Variants in SMYD4 observed in about 807,000 individuals in gnomAD.
SMYD4 encodes SET and MYND domain containing 4.
Under a neutral mutation model 72.8 loss-of-function variants are expected in SMYD4, and 68 were observed. That is an observed-to-expected ratio of 0.93 (90% CI 0.77 to 1.14). The LOEUF (loss-of-function observed/expected upper bound fraction) is 1.14, where lower values mean the gene tolerates loss of function less well. SMYD4 is among the 50% of genes most tolerant of loss of function. The pLI is 0.00. For synonymous variants in SMYD4, 407 were observed against 388.6 expected, an observed-to-expected ratio of 1.05 and a Z score of -0.56; for missense variants, 984 against 1,003.7, an observed-to-expected ratio of 0.98 and a Z score of 0.27.
intron 5 of SMYD4, among the ~76,000 whole-genome samples, chr17:1,788,494 C>T (rs1908825448): frequency 2.6e-5 from 4 of 151,722 alleles, no homozygotes; most frequent in Admixed American, 2.6e-4. Context: ...GCCTGTAATC[C>T]CAGTACTTTG....
chr17:1,796,498 G>T (rs370409730), intron 5 of SMYD4, among the ~76,000 whole-genome samples: 3 of 150,790 alleles, frequency 2.0e-5, no homozygotes, highest in Non-Finnish European at 4.4e-5. Context: ...GTGCAGTGGC[G>T]TGATCTCGGC....
intron 3 of SMYD4, among the ~76,000 whole-genome samples, chr17:1,807,992 G>A (rs922516833): frequency 5.3e-5 from 8 of 152,114 alleles, no homozygotes; most frequent in African/African-American, 1.9e-4. Context: ...ATCACAACCA[G>A]TACTGCTTGG....
chr17:1,811,045 G>T (rs1910305143), intron 3 of SMYD4, among the ~76,000 whole-genome samples: 1 of 152,224 alleles, frequency 6.6e-6, no homozygotes, highest in South Asian at 2.1e-4. Flanking sequence ...GAAGCCCTCT[G>T]TCCTTGCGAC....
intron 8 of SMYD4, chr17:1,783,892 G>C: frequency 3.4e-6 from 1 of 290,292 alleles, no homozygotes; most frequent in East Asian, 8.3e-5. Flanking sequence ...TCAGACAAAA[G>C]CAAGACACTC....
Position 1,799,995 on chromosome 17 carries a change from T to C in SMYD4, c.1399A>G (p.Ile467Val), listed in dbSNP as rs1266463491. 1.1e-5 allele frequency: 17 copies of C among 1,614,116 alleles called. No homozygotes were observed. Among genetic ancestry groups the C allele is most frequent in the Non-Finnish European group, 1.3e-5 (15 of 1,180,026 alleles). Residue 467 changes from isoleucine to valine, a missense_variant, in exon 5 of 11, where the codon ATT becomes GTT. Physicochemically the swap from Ile to Val is conservative, Grantham distance 29 (BLOSUM62 3). Transcript: ENST00000305513. ...GCTTTAAGCTGAGAGGAGTTCACAA[T>C]CCTCTCAGTTGGGATGGCCTGTAAA... The part of the protein sequence containing the change: ...ASLQAIPTER[I>V]VNSSQLKAAV...
intron 3 of SMYD4, among the ~76,000 whole-genome samples, chr17:1,809,702 C>T (rs549847670): frequency 1.3e-5 from 2 of 149,314 alleles, no homozygotes; most frequent in South Asian, 4.3e-4. Flanking sequence ...GACAGTCTCG[C>T]TCTGTCGCCC....
chr17:1,816,777 ATC>A (rs1910621702), intron 2 of SMYD4, among the ~76,000 whole-genome samples: 1 of 151,632 alleles, frequency 6.6e-6, no homozygotes, highest in East Asian at 2.0e-4. Flanking sequence ...GTGTGAAGTG[ATC>A]TCTCACTGTG....
At chr17:1,816,774 G>C (rs1411976596) in intron 2 of SMYD4, among the ~76,000 whole-genome samples, 1 of 151,862 alleles carries the variant, frequency 6.6e-6, no homozygotes, top group African/African-American at 2.4e-5. Flanking sequence ...GGTGTGTGAA[G>C]TGATCTCTCA....
intron 5 of SMYD4, among the ~76,000 whole-genome samples, chr17:1,788,158 G>A (rs1249135906): frequency 1.3e-5 from 2 of 151,912 alleles, no homozygotes; most frequent in Non-Finnish European, 2.9e-5. Flanking sequence ...GGCCAGCCTG[G>A]ACAACACAGC....
intron 3 of SMYD4, among the ~76,000 whole-genome samples, chr17:1,809,732 C>G (rs913978426): frequency 1.8e-4 from 27 of 150,516 alleles, no homozygotes; most frequent in African/African-American, 6.6e-4. Context: ...TGCAGTGGCG[C>G]GATCTCGGCT....
In SMYD4 at chr17:1,824,605, ATTATTTTATTTATAT is replaced by A. The variant is rs1202782649; in HGVS notation, c.134+3241_134+3255del. On this transcript the variant is annotated intron_variant, in intron 2 of 10. Transcript: ENST00000305513. ...AGTGAGTGAGTTCTCACGAAATCTGATTATTTTATTTATATTTATATTTTTATTTTTTGAGATGGA... is the reference window on the plus strand; with the variant it reads ...AGTGAGTGAGTTCTCACGAAATCTGATTATATTTTTATTTTTTGAGATGGA... 2.6e-3 allele frequency among the ~76,000 whole-genome samples: 392 copies of A among 151,778 alleles called. 10 individuals carry two copies. Among genetic ancestry groups the A allele is most frequent in the Admixed American group, 0.023 (347 of 15,194 alleles).
intron 5 of SMYD4, among the ~76,000 whole-genome samples, chr17:1,793,053 GACCACAAGCGCGC>G (rs1421189742): frequency 1.3e-5 from 2 of 152,086 alleles, no homozygotes; most frequent in Non-Finnish European, 2.9e-5. Context: ...GGGTAGCTGA[GACCACAAGCGCGC>G]ACCACCACAC....
Position 1,779,767 on chromosome 17 carries a change from TA to T in SMYD4, c.*1518del, listed in dbSNP as rs1213949534. ...AAGGAGTCGAGGAAGCTAGATACTG[TA>T]AGTGGAACGGTGTGTCTCTGGAGGT... is the stretch of plus-strand genomic sequence containing the variant. On this transcript the variant is annotated 3_prime_UTR_variant, in exon 11 of 11. Coordinates refer to ENST00000305513, the MANE Select transcript of SMYD4 (RefSeq NM_052928.3). 1 of 152,576 alleles carries T rather than the reference TA, an allele frequency of 6.6e-6. No individual in the cohort carries two copies. Among genetic ancestry groups the T allele is most frequent in the African/African-American group, 2.4e-5 (1 of 41,454 alleles). The allele number at this position is 152,576 out of a possible 1,614,324, so 9.5% of individuals were successfully genotyped here. A position where few individuals can be genotyped will look rare whatever the true frequency, so the allele number is the denominator to read the frequency against.
intron 3 of SMYD4, among the ~76,000 whole-genome samples, chr17:1,805,426 C>CT (rs1009723694): frequency 5.3e-5 from 8 of 152,098 alleles, no homozygotes; most frequent in African/African-American, 1.9e-4. Flanking sequence ...AAAAAGAATA[C>CT]TTTTTTCTAC....
At chr17:1,794,105 A>ATATATATATATATATAT (rs1291818005) in intron 5 of SMYD4, among the ~76,000 whole-genome samples, 1 of 12,992 alleles carries the variant, frequency 7.7e-5, no homozygotes, top group Non-Finnish European at 1.4e-4. Context: ...ATATATATAT[A>ATATATATATATATATAT]TTTTTTTTTT....
chr17:1,824,804 T>C (rs1236281813), intron 2 of SMYD4, among the ~76,000 whole-genome samples: 1 of 151,940 alleles, frequency 6.6e-6, no homozygotes, highest in East Asian at 1.9e-4. Flanking sequence ...TTTGCATTTT[T>C]AGTAGAGATG....
intron 4 of SMYD4, among the ~76,000 whole-genome samples, chr17:1,803,108 C>G (rs1184350559): frequency 6.6e-6 from 1 of 152,236 alleles, no homozygotes; most frequent in South Asian, 2.1e-4. Flanking sequence ...CGCCACTGCA[C>G]TGACGCCTGG....
intron 2 of SMYD4, among the ~76,000 whole-genome samples, chr17:1,815,104 C>A (rs1414536279): frequency 1.3e-5 from 2 of 151,766 alleles, no homozygotes; most frequent in Non-Finnish European, 2.9e-5. Context: ...CACTCTGTCA[C>A]CCAGGCTGGA....
Position 1,784,325 on chromosome 17 carries a change from C to T in SMYD4, c.2020+1G>A, listed in dbSNP as rs775093879. 2.0e-5 allele frequency: 32 copies of T among 1,614,080 alleles called. No homozygotes were observed. The highest frequency in any genetic ancestry group is 1.6e-4 in the Middle Eastern group (1 of 6,084). On this transcript the variant is annotated splice_donor_variant, in intron 8 of 10. Transcript: ENST00000305513. LOFTEE classifies it high-confidence loss of function. Reference sequence around the variant, plus strand: ...GGACCAAAGCAGGGAGCCAGTCTCACCTAGTTCACCATCTCTGAGAAGCTT... The same window carrying T: ...GGACCAAAGCAGGGAGCCAGTCTCATCTAGTTCACCATCTCTGAGAAGCTT...
Sources: gnomAD v4.1 joint callset for allele counts (sites outside exome capture counted in the v4.1 genomes callset) on GRCh38, gnomAD v4.1.1 for gene constraint, MANE v1.5 for transcripts, NCBI Gene and HGNC (gene_info 2026-07-23, HGNC 2026-07-21) for gene names.